NRIP2: variants seen among roughly 807,000 people sequenced by gnomAD.
The protein encoded by NRIP2 is nuclear receptor interacting protein 2.
NRIP2 carries 27 observed loss-of-function variants against 34.1 expected under a neutral mutation model. The ratio of observed to expected loss-of-function variants is 0.79; its 90% CI spans 0.58 to 1.09. The LOEUF is 1.09. Among genes scored for constraint, NRIP2 ranks in the 50% least tolerant of loss-of-function variants. NRIP2 has a pLI of 0.00. For synonymous variants in NRIP2, 145 were observed against 146.9 expected (o/e 0.99, Z 0.09); for missense variants, 385 against 352.6 (o/e 1.09, Z -0.74).
chr12:2,827,168 G>A lies in NRIP2; in HGVS notation c.*39C>T. On this transcript the variant is annotated 3_prime_UTR_variant, in exon 6 of 6. Transcript: ENST00000337508. This position sits in a 1 kb window ranked among gnomAD's most constrained non-coding sequence, Gnocchi z 4.0. ...GTTCCCCACACGCCTCTTCTTCTAA[G>A]GCAAGGTCTTTCCCTCTGGGGACTG... The A allele has an allele frequency of 6.2e-7, 1 of 1,613,632 alleles. No individual in the cohort carries two copies. The highest frequency in any genetic ancestry group is 1.1e-5 in the South Asian group (1 of 91,054).
In NRIP2 at chr12:2,834,698, A is replaced by G; in HGVS notation, c.286T>C (p.Ser96Pro). Residue 96 changes from serine to proline, a missense_variant, in exon 1 of 6, where the codon TCG (serine) becomes CCG (proline). Coordinates refer to ENST00000337508, the MANE Select transcript of NRIP2 (RefSeq NM_031474.3). ...KQATQFLHKD[S>P]ADLLPLDSLK... ...CTGTCCAGCGGGAGCAGGTCGGCCG[A>G]GTCCTTGTGCAGGAACTGGGTGGCC... 2 of 1,613,780 alleles carry G rather than the reference A, an allele frequency of 1.2e-6. No homozygotes were observed. The highest frequency in any genetic ancestry group is 3.3e-5 in the Admixed American group (2 of 59,992).
intron 3 of NRIP2, 112 bp from the exon 4 acceptor site, chr12:2,828,159 G>T (rs368905244): frequency 8.4e-7 from 1 of 1,196,876 alleles, no homozygotes; most frequent in Non-Finnish European, 1.2e-6. Flanking sequence ...CTGACCTCAC[G>T]TGGGGTCTAA....
chr12:2,828,610 C>T (rs551394175), intron 2 of NRIP2, among the ~76,000 whole-genome samples, 196 bp from the exon 3 acceptor site: 6 of 152,194 alleles, frequency 3.9e-5, no homozygotes, highest in Admixed American at 6.5e-5. Flanking sequence ...AAGGCCGAGG[C>T]GGGTGGATCA....
chr12:2,827,975 C>T lies in NRIP2; in HGVS notation c.651G>A (p.Leu217=), dbSNP rs1181772526. 5.0e-6 allele frequency: 8 copies of T among 1,614,108 alleles called. No individual in the cohort carries two copies. Among genetic ancestry groups the T allele is most frequent in the Non-Finnish European group, 5.9e-6 (7 of 1,180,042 alleles). Residue 217 remains leucine (L), a synonymous_variant, in exon 4 of 6, where the codon TTG becomes TTA. Coordinates refer to ENST00000337508, the MANE Select transcript of NRIP2 (RefSeq NM_031474.3). The surrounding 1 kb of genome is among the most constrained non-coding windows in gnomAD (Gnocchi z 4.0). Reference sequence around the variant, plus strand: ...CAGTCTCCTGCCCCAGCTGTAGCTCCAACTGCTCCACCTGGGTTGGGGGCC... The same window carrying T: ...CAGTCTCCTGCCCCAGCTGTAGCTCTAACTGCTCCACCTGGGTTGGGGGCC... ...APGPPTQVEQ[L]ELQLGQETVV... is the part of the protein sequence containing the mutation.
Position 2,827,018 on chromosome 12 carries a change from G to A in NRIP2, c.*189C>T, listed in dbSNP as rs989275244. The A allele has an allele frequency of 3.5e-6, 5 of 1,426,836 alleles. No individual in the cohort carries two copies. The African/African-American group carries it at 4.4e-5, about 12-fold the overall frequency. 88.4% of individuals were successfully genotyped at this position (1,426,836 alleles called of 1,614,324 possible). On this transcript the variant is annotated 3_prime_UTR_variant, in exon 6 of 6. Coordinates refer to ENST00000337508, the MANE Select transcript of NRIP2 (RefSeq NM_031474.3). This position sits in a 1 kb window ranked among gnomAD's most constrained non-coding sequence, Gnocchi z 4.0. ...CTCTAGTGAAAACTCGTCCTGGGGA[G>A]TAGGACAGCTGCTGAGAAGCAGAGA... is the stretch of plus-strand genomic sequence containing the variant.
At position 2,834,689 on chromosome 12, in the gene NRIP2, G is replaced by C; in HGVS notation, c.295C>G (p.Leu99Val). 3 of 1,613,442 alleles carry C rather than the reference G, an allele frequency of 1.9e-6. No individual in the cohort carries two copies. Among genetic ancestry groups the C allele is most frequent in the Non-Finnish European group, 2.5e-6 (3 of 1,179,692 alleles). ...TQFLHKDSAD[L>V]LPLDSLKRLG... The stretch of plus-strand genomic sequence containing the variant: ...CTCTTGAGGCTGTCCAGCGGGAGCA[G>C]GTCGGCCGAGTCCTTGTGCAGGAAC... Residue 99 changes from leucine (L) to valine (V), a missense_variant, in exon 1 of 6, where the codon CTG becomes GTG. By Grantham distance (32) the Leu-to-Val change is conservative. Transcript: ENST00000337508.
rs3056874 is a variant in NRIP2 at position 2,826,563 on chromosome 12, C to CGA, written c.*643_*644insTC. ...CAAGGTTTTGCACAGGGTAATCAAA[C>CGA]TAACTGGCTTCAGACATTTGCAGCC... On this transcript the variant is annotated 3_prime_UTR_variant, in exon 6 of 6. Transcript: ENST00000337508. 2 of 152,526 alleles carry CGA rather than the reference C, an allele frequency of 1.3e-5. No individual in the cohort carries two copies. Among genetic ancestry groups the CGA allele is most frequent in the African/African-American group, 4.8e-5 (2 of 41,374 alleles). The allele number at this position is 152,526 out of a possible 1,614,324, so 9.4% of individuals were successfully genotyped here.
At position 2,834,728 on chromosome 12, in the gene NRIP2, TGAGCCGGCGCTGCTGGCTCAG is replaced by T; in HGVS notation, c.235_255del (p.Leu79_Leu85del). 2 of 1,614,024 alleles carry T rather than the reference TGAGCCGGCGCTGCTGGCTCAG, an allele frequency of 1.2e-6. No individual in the cohort carries two copies. The highest frequency in any genetic ancestry group is 1.7e-6 in the Non-Finnish European group (2 of 1,179,996). On this transcript the variant is annotated inframe_deletion, in exon 1 of 6. Transcript: ENST00000337508. ...TTGTGCAGGAACTGGGTGGCCTGTT[TGAGCCGGCGCTGCTGGCTCAG>T]GTGGGCTCGGTCTCGAAGCTGTGCC... is the stretch of plus-strand genomic sequence containing the variant.
intron 1 of NRIP2, among the ~76,000 whole-genome samples, chr12:2,832,349 T>G (rs1023002194): frequency 6.6e-6 from 1 of 151,978 alleles, no homozygotes; most frequent in Admixed American, 6.6e-5. Context: ...CCTGCCACTC[T>G]GTTTATGGGC....
intron 1 of NRIP2, among the ~76,000 whole-genome samples, chr12:2,831,611 C>CT (rs889329933): frequency 3.1e-4 from 47 of 151,976 alleles, no homozygotes; most frequent in African/African-American, 1.1e-3. Context: ...AAAAAAAACT[C>CT]TTAAGAACTA....
chr12:2,826,101 A>T lies in NRIP2; in HGVS notation c.*1106T>A, dbSNP rs559068206. On this transcript the variant is annotated 3_prime_UTR_variant, in exon 6 of 6. Transcript: ENST00000337508. Reference sequence around the variant, plus strand: ...CCTAATCCATGATTTGAGAGACTCAAACCAGCCAGAAAGACTCTCAGGGAT... The same window carrying T: ...CCTAATCCATGATTTGAGAGACTCATACCAGCCAGAAAGACTCTCAGGGAT... 6.6e-6 allele frequency: 1 copy of T among 152,138 alleles called. No homozygotes were observed. The highest frequency in any genetic ancestry group is 2.4e-5 in the African/African-American group (1 of 41,470). The allele number at this position is 152,138 out of a possible 1,614,324, so 9.4% of individuals were successfully genotyped here.
chr12:2,829,047 A>G (rs185892248), intron 2 of NRIP2, among the ~76,000 whole-genome samples: 42 of 152,150 alleles, frequency 2.8e-4, no homozygotes, highest in Admixed American at 2.7e-3. Context: ...AAAAAATAAA[A>G]TGGAAAAAAA....
chr12:2,834,992 A>G lies in NRIP2; in HGVS notation c.-9T>C. The G allele has an allele frequency of 6.5e-7, 1 of 1,546,326 alleles. No homozygotes were observed. The highest frequency in any genetic ancestry group is 8.7e-7 in the Non-Finnish European group (1 of 1,148,590). On this transcript the variant is annotated 5_prime_UTR_variant, in exon 1 of 6. Coordinates refer to ENST00000337508, the MANE Select transcript of NRIP2 (RefSeq NM_031474.3). ...GGAAAAATAAATAACATGCAGGAGCAGCCGCGTCAGTCTCCAATTTCCCGA... is the reference window on the plus strand; with the variant it reads ...GGAAAAATAAATAACATGCAGGAGCGGCCGCGTCAGTCTCCAATTTCCCGA...
rs74054753 is a variant in NRIP2, at chr12:2,830,583, G to A, written c.495+125C>T. The stretch of plus-strand genomic sequence containing the variant: ...GGTAGAGGATCCTGGTTAGGTCCAG[G>A]CTAGGGAGAGAGGTGCCCTTTCTCC... On this transcript the variant is annotated intron_variant, in intron 2 of 5. Coordinates refer to ENST00000337508, the MANE Select transcript of NRIP2 (RefSeq NM_031474.3). 1,136 of 1,062,020 alleles carry A rather than the reference G, an allele frequency of 1.1e-3. 20 individuals carry two copies. The African/African-American group carries it at 0.017, about 16-fold the overall frequency. The allele number at this position is 1,062,020 out of a possible 1,614,324, so 65.8% of individuals were successfully genotyped here. A position where few individuals can be genotyped will look rare whatever the true frequency, so the allele number is the denominator to read the frequency against.
chr12:2,828,188 A>C, intron 3 of NRIP2, 141 bp from the exon 4 acceptor site: 1 of 1,137,312 alleles, frequency 8.8e-7, no homozygotes, highest in Non-Finnish European at 1.3e-6. Context: ...CTTCTCTGCC[A>C]GAGTCTTCTA....
chr12:2,834,812 T>C lies in NRIP2; in HGVS notation c.172A>G (p.Arg58Gly). The C allele has an allele frequency of 6.2e-7, 1 of 1,613,592 alleles. No homozygotes were observed. Among genetic ancestry groups the C allele is most frequent in the Non-Finnish European group, 8.5e-7 (1 of 1,179,904 alleles). ...AGAMSTKQEA[R>G]RDEGEARTRG... ...GTCCTGGCTTCTCCCTCATCTCTCC[T>C]GGCCTCCTGCTTGGTGCTCATGGCC... The change falls in exon 1 of 6, where the codon AGG becomes GGG. Residue 58 changes from arginine to glycine, a missense_variant. Transcript: ENST00000337508.
chr12:2,832,663 T>C (rs375204971), intron 1 of NRIP2, among the ~76,000 whole-genome samples: 19 of 151,334 alleles, frequency 1.3e-4, no homozygotes, highest in Non-Finnish European at 5.9e-5. Flanking sequence ...ACAAATGTTA[T>C]GTATGGATTT....
At chr12:2,832,290 A>G (rs910872351) in intron 1 of NRIP2, among the ~76,000 whole-genome samples, 1 of 152,068 alleles carries the variant, frequency 6.6e-6, no homozygotes, top group South Asian at 2.1e-4. Flanking sequence ...ATAGAGCTCA[A>G]GCTTTTGAAG....
chr12:2,828,565 C>T (rs1288675253), intron 2 of NRIP2, 151 bp from the exon 3 acceptor site: 3 of 658,184 alleles, frequency 4.6e-6, no homozygotes, highest in Admixed American at 2.9e-5. Flanking sequence ...CGGGGCCAGG[C>T]GCGGTAGCTC....
Sources: gnomAD v4.1 joint callset for allele counts (sites outside exome capture counted in the v4.1 genomes callset) on GRCh38, gnomAD v4.1.1 for gene constraint, Gnocchi (gnomAD v3.1) non-coding constraint, MANE v1.5 for transcripts, NCBI Gene and HGNC (gene_info 2026-07-23, HGNC 2026-07-21) for gene names.